Variants in ASAH2 observed in about 807,000 individuals in gnomAD.
ASAH2 encodes the protein neutral ceramidase.
Under a neutral mutation model 82.9 loss-of-function variants are expected in ASAH2, and 58 were observed. That is an observed-to-expected ratio of 0.70 (90% confidence interval 0.57 to 0.87). The LOEUF (loss-of-function observed/expected upper bound fraction) is 0.87. Ranked by LOEUF, ASAH2 falls within the 40% of genes least tolerant of loss-of-function variation. The probability of loss-of-function intolerance (pLI) is 0.00; values close to 1 mark genes in which losing one functional copy is unlikely to be tolerated. For missense variants in ASAH2, 779 were observed against 834.0 expected, an observed-to-expected ratio of 0.93 and a Z score of 0.81; for synonymous variants, 276 against 289.7, an observed-to-expected ratio of 0.95 and a Z score of 0.48.
At chr10:50,244,591 G>A (rs1846395866) in intron 3 of ASAH2, among the ~76,000 whole-genome samples, 1 of 152,180 alleles carries the variant, frequency 6.6e-6, no homozygotes, top group African/African-American at 2.4e-5. Context: ...CCATCACATA[G>A]CCAAGACTAG....
chr10:50,188,300 A>C, intron 20 of ASAH2, among the ~76,000 whole-genome samples: 1 of 150,162 alleles, frequency 6.7e-6, no homozygotes, highest in Non-Finnish European at 1.5e-5. Flanking sequence ...TTGAGATGAG[A>C]GAAACAGGTG....
intron 18 of ASAH2, among the ~76,000 whole-genome samples, chr10:50,194,750 A>G (rs2133194083): frequency 6.6e-6 from 1 of 151,430 alleles, no homozygotes; most frequent in Admixed American, 6.6e-5. Flanking sequence ...GAGCCCAGAA[A>G]TAAGCCCGCA....
At chr10:50,237,405 C>A (rs1394614524) in intron 4 of ASAH2, among the ~76,000 whole-genome samples, 3 of 152,168 alleles carry the variant, frequency 2.0e-5, no homozygotes, top group Non-Finnish European at 4.4e-5. Context: ...GCGGCCCTAG[C>A]CAGCATCTGA....
intron 5 of ASAH2, among the ~76,000 whole-genome samples, chr10:50,234,759 C>T (rs1304147192): frequency 6.6e-6 from 1 of 151,994 alleles, no homozygotes; most frequent in East Asian, 1.9e-4. Flanking sequence ...AAGGGAAATG[C>T]CGTGTTATAC....
rs1197370316 is a variant in ASAH2 at position 50,218,541 on chromosome 10, T to C, written c.983A>G (p.Gln328Arg). 5 of 1,613,658 alleles carry C rather than the reference T, an allele frequency of 3.1e-6. No homozygotes were observed. In the East Asian group the frequency reaches 6.7e-5, roughly 22 times the overall value. ...AGGTAGATATCCTTTGTTCTTCTCT[T>C]GCTCAAGCAGGTAAGATGCATAGCC... ...NVGYASYLLE[Q>R]EKNKGYLPGQ... The change falls in exon 8 of 21, where the codon CAA becomes CGA. Residue 328 changes from glutamine (Q) to arginine (R), a missense_variant. Gln to Arg is a conservative substitution (Grantham distance 43). This residue lies in a region of ASAH2 where 759 missense variants were observed against 755.2 expected (regional missense o/e 1.00). Coordinates refer to ENST00000682911, the MANE Select transcript of ASAH2 (RefSeq NM_019893.4).
intron 1 of ASAH2, among the ~76,000 whole-genome samples, 69 bp downstream of exon 1, chr10:50,251,326 C>A (rs79576617): frequency 0.023 from 3,563 of 152,270 alleles, 150 homozygotes; most frequent in African/African-American, 0.081. Flanking sequence ...TCTTCAAGAT[C>A]TCTGAGACAA....
At chr10:50,225,984 T>G (rs1196921048) in intron 7 of ASAH2, among the ~76,000 whole-genome samples, 1 of 151,856 alleles carries the variant, frequency 6.6e-6, no homozygotes, top group East Asian at 1.9e-4. Context: ...TCCCAGCTAC[T>G]CAGGAGGCTG....
chr10:50,244,916 T>C (rs1178148428), intron 3 of ASAH2, among the ~76,000 whole-genome samples: 1 of 152,040 alleles, frequency 6.6e-6, no homozygotes, highest in East Asian at 1.9e-4. Flanking sequence ...ACATTTCTTA[T>C]GTTACACTGG....
chr10:50,237,987 A>G (rs917598723), intron 4 of ASAH2, among the ~76,000 whole-genome samples: 2 of 152,164 alleles, frequency 1.3e-5, no homozygotes, highest in African/African-American at 4.8e-5. Flanking sequence ...TCAAACCCAA[A>G]GCAATTGTTA....
At chr10:50,218,906 G>A (rs1399487260) in intron 7 of ASAH2, among the ~76,000 whole-genome samples, 1 of 152,166 alleles carries the variant, frequency 6.6e-6, no homozygotes, top group Non-Finnish European at 1.5e-5. Context: ...GTTACCAGAT[G>A]ACATACCTAA....
chr10:50,194,740 G>A (rs1304761931), intron 18 of ASAH2, among the ~76,000 whole-genome samples: 1 of 151,134 alleles, frequency 6.6e-6, no homozygotes, highest in Non-Finnish European at 1.5e-5. Flanking sequence ...TAGACCAATG[G>A]AGCCCAGAAA....
chr10:50,207,608 T>A (rs1282418915), intron 12 of ASAH2, among the ~76,000 whole-genome samples: 1 of 146,844 alleles, frequency 6.8e-6, no homozygotes, highest in African/African-American at 2.5e-5. Context: ...ACTACCAAAA[T>A]TGACTCAAGA....
Position 50,214,871 on chromosome 10 carries a change from G to C in ASAH2, c.1015-3C>G. On this transcript the variant is annotated splice_region_variant and splice_polypyrimidine_tract_variant and intron_variant, in intron 8 of 20. Transcript: ENST00000682911. ...GCAAAGGCTGCTACAAATGGCCCCTGCCAAAAGAAATGCCAAGTTGCCTTT... is the reference window on the plus strand; with the variant it reads ...GCAAAGGCTGCTACAAATGGCCCCTCCCAAAAGAAATGCCAAGTTGCCTTT... The C allele has an allele frequency of 6.2e-7, 1 of 1,613,184 alleles. No individual in the cohort carries two copies. Among genetic ancestry groups the C allele is most frequent in the Non-Finnish European group, 8.5e-7 (1 of 1,179,494 alleles).
intron 7 of ASAH2, among the ~76,000 whole-genome samples, chr10:50,223,739 C>A (rs1323064694): frequency 6.6e-6 from 1 of 152,064 alleles, no homozygotes; most frequent in Non-Finnish European, 1.5e-5. Flanking sequence ...ATTATACTGA[C>A]CGCATGTAGG....
intron 15 of ASAH2, 32 bp downstream of exon 15, chr10:50,203,608 C>G: frequency 7.3e-7 from 1 of 1,373,814 alleles, no homozygotes. Flanking sequence ...CAAACATGAA[C>G]ATGTAGATAT....
At chr10:50,213,685 A>C (rs1845521685) in intron 9 of ASAH2, among the ~76,000 whole-genome samples, 1 of 152,238 alleles carries the variant, frequency 6.6e-6, no homozygotes, top group East Asian at 1.9e-4. Flanking sequence ...GGACAGGTAA[A>C]ACATCTTAAA....
intron 7 of ASAH2, among the ~76,000 whole-genome samples, chr10:50,225,046 T>A (rs1269002854): frequency 1.3e-5 from 2 of 152,206 alleles, no homozygotes; most frequent in African/African-American, 4.8e-5. Context: ...TGATGTACGT[T>A]CTCAAGGAAT....
chr10:50,233,291 G>A, intron 6 of ASAH2, 30 bp from the exon 7 acceptor site: 1 of 1,500,706 alleles, frequency 6.7e-7, no homozygotes, highest in Non-Finnish European at 9.3e-7. Flanking sequence ...AGCACAGTCA[G>A]TTCTGTGTTA....
At chr10:50,224,382 T>C (rs977687036) in intron 7 of ASAH2, among the ~76,000 whole-genome samples, 4 of 151,942 alleles carry the variant, frequency 2.6e-5, no homozygotes, top group Non-Finnish European at 5.9e-5. Flanking sequence ...AATAAATATA[T>C]ATATATACAA....
Sources: gnomAD v4.1 joint callset for allele counts (sites outside exome capture counted in the v4.1 genomes callset) on GRCh38, gnomAD v4.1.1 for gene constraint, gnomAD v4.1.1 regional missense constraint, MANE v1.5 for transcripts, NCBI Gene and HGNC (gene_info 2026-07-23, HGNC 2026-07-21) for gene names.